The following RABGAP1 variants were observed in gnomAD, a reference collection of about 807,000 sequenced individuals.
RABGAP1 encodes RAB GTPase activating protein 1.
In RABGAP1, 23 loss-of-function variants were observed where a neutral mutation model predicts 137.6. The observed-to-expected ratio is 0.17, with a 90% CI of 0.12 to 0.24. RABGAP1 has a LOEUF of 0.24. RABGAP1 is among the 10% of genes least tolerant of loss of function. The probability of loss-of-function intolerance (pLI) is 1.00; values close to 1 mark genes in which losing one functional copy is unlikely to be tolerated. For missense variants in RABGAP1, 906 were observed against 1,275.8 expected, an observed-to-expected ratio of 0.71 and a Z score of 4.42; for synonymous variants, 451 against 450.7, an observed-to-expected ratio of 1.00 and a Z score of -0.01.
At chr9:123,009,488 C>G (rs2030605318) in intron 10 of RABGAP1, among the ~76,000 whole-genome samples, 1 of 152,046 alleles carries the variant, frequency 6.6e-6, no homozygotes, top group Non-Finnish European at 1.5e-5. Flanking sequence ...TTTGTATAGC[C>G]ACCTTTCTAG....
intron 12 of RABGAP1, among the ~76,000 whole-genome samples, chr9:123,019,303 G>C (rs548337020): frequency 6.6e-6 from 1 of 152,148 alleles, no homozygotes; most frequent in Admixed American, 6.5e-5. Context: ...TTTTAACTTA[G>C]AACATATAAA....
intron 7 of RABGAP1, 185 bp downstream of exon 7, chr9:122,996,336 C>T: frequency 8.4e-7 from 1 of 1,188,590 alleles, no homozygotes; most frequent in Non-Finnish European, 1.1e-6. Context: ...AGCTAATACG[C>T]TCTCTTCAAC....
intron 2 of RABGAP1, among the ~76,000 whole-genome samples, chr9:122,977,095 T>C (rs1835800572): frequency 6.6e-6 from 1 of 152,142 alleles, no homozygotes; most frequent in Non-Finnish European, 1.5e-5. Context: ...CTTGTGGGCA[T>C]TGAGGAACCA....
At chr9:123,044,237 A>C (rs145820505) in intron 13 of RABGAP1, among the ~76,000 whole-genome samples, 130 of 152,292 alleles carry the variant, frequency 8.5e-4, no homozygotes, top group African/African-American at 2.9e-3. Context: ...TGTAGACCAC[A>C]TTTAGGAAAA....
At chr9:122,965,967 A>T (rs116009884) in intron 2 of RABGAP1, among the ~76,000 whole-genome samples, 252 of 152,296 alleles carry the variant, frequency 1.7e-3, no homozygotes, top group African/African-American at 5.3e-3. Flanking sequence ...AGAGAAGTAG[A>T]TGATTCCTAG....
intron 2 of RABGAP1, among the ~76,000 whole-genome samples, chr9:122,978,858 G>A (rs978619864): frequency 3.3e-5 from 5 of 151,190 alleles, no homozygotes; most frequent in Non-Finnish European, 7.4e-5. Flanking sequence ...TGTCAGAGTT[G>A]TTTTGAATTT....
intron 19 of RABGAP1, among the ~76,000 whole-genome samples, chr9:123,085,189 A>G (rs1353343099): frequency 1.3e-5 from 2 of 152,190 alleles, no homozygotes; most frequent in Non-Finnish European, 2.9e-5. Context: ...AAAATAACAA[A>G]CTGGCATGTA....
At chr9:123,093,733 T>A (rs2035099761) in intron 21 of RABGAP1, among the ~76,000 whole-genome samples, 1 of 152,244 alleles carries the variant, frequency 6.6e-6, no homozygotes. Flanking sequence ...AATCTTAAAA[T>A]CAGTTCATGT....
chr9:122,939,899 A>G (rs946756491), upstream of RABGAP1: 1 of 152,222 alleles, frequency 6.6e-6, no homozygotes, highest in Non-Finnish European at 1.5e-5. Flanking sequence ...ATTATCCACC[A>G]GAAAACACTG....
rs1455847600 is a variant in RABGAP1, at chr9:123,089,824, C to G, written c.2491C>G (p.Gln831Glu). The change falls in exon 20 of 26, where the codon CAA (glutamine) becomes GAA (glutamate). Residue 831 changes from glutamine (Q) to glutamate (E), a missense_variant. Coordinates refer to ENST00000373647, the MANE Select transcript of RABGAP1 (RefSeq NM_012197.4). ...CACCATGAGGGAACAGCAGGCCCAG[C>G]AAGAAGACCCCATCGAGCGATTTGA... ...YHTMREQQAQ[Q>E]EDPIERFERE... 3 of 1,613,780 alleles carry G rather than the reference C, an allele frequency of 1.9e-6. No homozygotes were observed. The African/African-American group carries it at 4.0e-5, about 22-fold the overall frequency.
At chr9:122,976,372 A>G (rs962257046) in intron 2 of RABGAP1, among the ~76,000 whole-genome samples, 2 of 152,212 alleles carry the variant, frequency 1.3e-5, no homozygotes, top group African/African-American at 4.8e-5. Context: ...TTACATTAGA[A>G]GTCTTTGTTG....
intron 2 of RABGAP1, among the ~76,000 whole-genome samples, chr9:122,968,720 T>G (rs1487125739): frequency 6.6e-6 from 1 of 152,074 alleles, no homozygotes; most frequent in African/African-American, 2.4e-5. Flanking sequence ...GTTCAAGTGA[T>G]TCTCCTGCCT....
intron 19 of RABGAP1, among the ~76,000 whole-genome samples, chr9:123,077,610 C>CATTGTATTGTATTGTATTGT (rs71508192): frequency 0.014 from 1,279 of 91,378 alleles, 46 homozygotes; most frequent in Middle Eastern, 0.043. Context: ...GTTATCATAA[C>CATTGTATTGTATTGTATTGT]ATTGTATTGT....
intron 10 of RABGAP1, among the ~76,000 whole-genome samples, chr9:123,008,647 ATTCTCT>A (rs1321338147): frequency 1.3e-5 from 2 of 152,180 alleles, no homozygotes; most frequent in African/African-American, 4.8e-5. Context: ...AAAATTTTAA[ATTCTCT>A]TTCTTATTAA....
At chr9:123,077,277 G>A (rs1258973992) in intron 19 of RABGAP1, among the ~76,000 whole-genome samples, 1 of 151,650 alleles carries the variant, frequency 6.6e-6, no homozygotes, top group Non-Finnish European at 1.5e-5. Flanking sequence ...AGCCTCCTGA[G>A]TAGCTGGGAC....
At chr9:122,947,526 GA>G (rs1834006745) in intron 1 of RABGAP1, among the ~76,000 whole-genome samples, 1 of 152,176 alleles carries the variant, frequency 6.6e-6, no homozygotes, top group Non-Finnish European at 1.5e-5. Context: ...TTATAAAAAA[GA>G]TGTTTTAAAG....
At chr9:122,957,335 A>G (rs1834580004) in intron 2 of RABGAP1, 126 bp downstream of exon 2, 1 of 732,994 alleles carries the variant, frequency 1.4e-6, no homozygotes, top group Non-Finnish European at 2.0e-6. Flanking sequence ...CTTTTTCTTT[A>G]AAGAATTTTA....
chr9:123,076,954 T>C (rs910585660), intron 19 of RABGAP1, 192 bp downstream of exon 19: 43 of 273,192 alleles, frequency 1.6e-4, no homozygotes, highest in African/African-American at 8.5e-4. Flanking sequence ...AACCTTTTTT[T>C]CCCCAAAATA....
intron 2 of RABGAP1, among the ~76,000 whole-genome samples, chr9:122,960,626 A>G (rs1834803695): frequency 6.6e-6 from 1 of 152,218 alleles, no homozygotes; most frequent in Admixed American, 6.5e-5. Flanking sequence ...TAAGACATTC[A>G]GAGAAACAAG....
Sources: allele counts gnomAD v4.1 joint callset (sites outside exome capture counted in the v4.1 genomes callset), GRCh38; gene constraint gnomAD v4.1.1; transcripts MANE v1.5; gene names NCBI Gene and HGNC (gene_info 2026-07-23, HGNC 2026-07-21).